Variants in ENPP1 observed in about 807,000 individuals in gnomAD.
ENPP1 encodes the protein ectonucleotide pyrophosphatase/phosphodiesterase 1.
Under a neutral mutation model 122.8 loss-of-function variants are expected in ENPP1, and 73 were observed. That is an observed-to-expected ratio of 0.59 (90% CI 0.49 to 0.72). ENPP1 has a LOEUF of 0.72. ENPP1 is among the 30% of genes least tolerant of loss of function. The pLI is 0.00. For missense variants in ENPP1, 978 were observed against 1,128.1 expected (o/e 0.87, Z 1.91); for synonymous variants, 367 against 391.6 (o/e 0.94, Z 0.74).
At chr6:131,808,896 A>G (rs1410938175) in intron 1 of ENPP1, among the ~76,000 whole-genome samples, 5 of 152,202 alleles carry the variant, frequency 3.3e-5, no homozygotes, top group Non-Finnish European at 7.3e-5. Flanking sequence ...TGTTGCTAAC[A>G]AAAGCTACCT....
intron 23 of ENPP1, among the ~76,000 whole-genome samples, chr6:131,885,403 A>G (rs1326639451): frequency 1.3e-5 from 2 of 152,086 alleles, no homozygotes; most frequent in Admixed American, 6.6e-5. Flanking sequence ...AAGATGAAGA[A>G]CTCTATGGTG....
At position 131,850,238 on chromosome 6, in the gene ENPP1, G is replaced by A. The variant is rs770610935; in HGVS notation, c.430+132G>A. On this transcript the variant is annotated intron_variant, in intron 3 of 24. Coordinates refer to ENST00000647893, the MANE Select transcript of ENPP1 (RefSeq NM_006208.3). ...TTAGTTTAGCATACATACACGTTTT[G>A]ACATTAGCTTTTATATTTTCTTTCA... is the stretch of plus-strand genomic sequence containing the variant. 8.5e-4 allele frequency: 607 copies of A among 710,904 alleles called. 1 individual carries two copies. The highest frequency in any genetic ancestry group is 5.8e-4 in the Non-Finnish European group (228 of 394,634). The allele number at this position is 710,904 out of a possible 1,614,324, so 44.0% of individuals were successfully genotyped here.
chr6:131,811,560 AG>A (rs1781354898), intron 1 of ENPP1, among the ~76,000 whole-genome samples: 1 of 152,180 alleles, frequency 6.6e-6, no homozygotes, highest in South Asian at 2.1e-4. Flanking sequence ...AAAAAGGAAG[AG>A]GCAGTTCCTA....
chr6:131,879,910 A>G lies in ENPP1; in HGVS notation c.1976A>G (p.Tyr659Cys), dbSNP rs143393727. 2.0e-5 allele frequency: 33 copies of G among 1,613,704 alleles called. No homozygotes were observed. Among genetic ancestry groups the G allele is most frequent in the African/African-American group, 4.0e-5 (3 of 74,914 alleles). ...ATTATTAAGCATGAAACTTTACCCT[A>G]TGGAAGACCTAGAGTTCTCCAGAAG... ...EKIIKHETLP[Y>C]GRPRVLQKEN... The change falls in exon 20 of 25, where the codon TAT becomes TGT. Residue 659 changes from tyrosine to cysteine, a missense_variant. Around this residue, in one of 3 missense-constraint regions of ENPP1, gnomAD observed 644 missense variants for 781.5 expected, o/e 0.82. Coordinates refer to ENST00000647893, the MANE Select transcript of ENPP1 (RefSeq NM_006208.3).
Position 131,850,029 on chromosome 6 carries a change from G to C in ENPP1, c.353G>C (p.Gly118Ala). Residue 118 changes from glycine (G) to alanine (A), a missense_variant, in exon 3 of 25, where the codon GGG becomes GCG. Gly to Ala is a moderately conservative substitution (Grantham distance 60, BLOSUM62 0). Transcript: ENST00000647893. ...CKGRCFERTF[G>A]NCRCDAACVE... ...GGTCGCTGTTTCGAGAGAACATTTG[G>C]GAACTGTCGCTGTGATGCTGCCTGT... is the stretch of plus-strand genomic sequence containing the variant. 1 of 1,614,048 alleles carries C rather than the reference G, an allele frequency of 6.2e-7. No individual in the cohort carries two copies. Among genetic ancestry groups the C allele is most frequent in the South Asian group, 1.1e-5 (1 of 91,080 alleles).
chr6:131,892,230 T>C lies in ENPP1; in HGVS notation c.*1719T>C, dbSNP rs1269891980. On this transcript the variant is annotated 3_prime_UTR_variant, in exon 25 of 25. Transcript: ENST00000647893. ...ATTGAAACCTGGATATTTTTAGGTA[T>C]TATGTTATGAGACTATGGGTCTTAT... 1 of 152,204 alleles carries C rather than the reference T, an allele frequency of 6.6e-6. No individual in the cohort carries two copies. The highest frequency in any genetic ancestry group is 2.4e-5 in the African/African-American group (1 of 41,466). 9.4% of individuals were successfully genotyped at this position (152,204 alleles called of 1,614,324 possible).
intron 22 of ENPP1, 39 bp downstream of exon 22, chr6:131,883,813 A>C: frequency 9.8e-7 from 1 of 1,020,674 alleles, no homozygotes; most frequent in East Asian, 2.4e-5. Flanking sequence ...ATTTTAATGA[A>C]TTTGTGCACA....
In ENPP1 at chr6:131,864,612, G is replaced by A. The variant is rs1022895577; in HGVS notation, c.1091+41G>A. The A allele has an allele frequency of 3.7e-6, 5 of 1,348,990 alleles. No individual in the cohort carries two copies. The African/African-American group carries it at 7.2e-5, about 19-fold the overall frequency. 83.6% of individuals were successfully genotyped at this position (1,348,990 alleles called of 1,614,324 possible). A position where few individuals can be genotyped will look rare whatever the true frequency, so the allele number is the denominator to read the frequency against. On this transcript the variant is annotated intron_variant, in intron 10 of 24. Transcript: ENST00000647893. ...ATTTCTATTGTAAATACTTCGTTTT[G>A]TAGAAATGATATACTATTTTAAAAT...
chr6:131,833,595 C>A (rs2114673390), intron 1 of ENPP1, among the ~76,000 whole-genome samples: 1 of 152,212 alleles, frequency 6.6e-6, no homozygotes, highest in African/African-American at 2.4e-5. Context: ...AAAATATTTG[C>A]TCATCTTTTC....
intron 1 of ENPP1, among the ~76,000 whole-genome samples, chr6:131,834,855 A>G (rs1781656569): frequency 6.6e-6 from 1 of 152,148 alleles, no homozygotes; most frequent in Admixed American, 6.5e-5. Flanking sequence ...CACCGCGCCC[A>G]GCTGAGGTAA....
intron 1 of ENPP1, among the ~76,000 whole-genome samples, chr6:131,815,630 A>G (rs1485788367): frequency 6.6e-6 from 1 of 151,814 alleles, no homozygotes; most frequent in African/African-American, 2.4e-5. Context: ...GAGAGACCTT[A>G]TGTGTTCTGT....
At chr6:131,867,195 C>T (rs1562179552) in intron 11 of ENPP1, among the ~76,000 whole-genome samples, 1 of 152,096 alleles carries the variant, frequency 6.6e-6, no homozygotes, top group South Asian at 2.1e-4. Flanking sequence ...GAATGAAAGA[C>T]GTTGTCTTGT....
chr6:131,849,965 C>A, intron 2 of ENPP1, 25 bp from the exon 3 acceptor site: 1 of 1,491,712 alleles, frequency 6.7e-7, no homozygotes, highest in Non-Finnish European at 9.4e-7. Context: ...TTAGAAACAT[C>A]TGACTTATCG....
At chr6:131,825,182 C>A (rs1177608134) in intron 1 of ENPP1, among the ~76,000 whole-genome samples, 2 of 152,080 alleles carry the variant, frequency 1.3e-5, no homozygotes, top group Non-Finnish European at 2.9e-5. Flanking sequence ...TTGGAAAAAT[C>A]ATTTTATAAT....
intron 1 of ENPP1, 76 bp downstream of exon 1, chr6:131,808,351 C>T (rs1218677771): frequency 2.9e-6 from 4 of 1,392,964 alleles, no homozygotes; most frequent in Non-Finnish European, 2.8e-6. Flanking sequence ...CCTGCGCTCT[C>T]AGCGCAGTCA....
intron 4 of ENPP1, 199 bp downstream of exon 4, chr6:131,851,466 C>T (rs1024317961): frequency 1.7e-6 from 1 of 586,590 alleles, no homozygotes; most frequent in Non-Finnish European, 3.0e-6. Flanking sequence ...GAACATTATA[C>T]CCATCACCCA....
intron 2 of ENPP1, among the ~76,000 whole-genome samples, 194 bp from the exon 3 acceptor site, chr6:131,849,796 A>G (rs1041510723): frequency 6.6e-6 from 1 of 152,242 alleles, no homozygotes; most frequent in African/African-American, 2.4e-5. Context: ...AACCAGGCAC[A>G]TAAGGTTACT....
intron 9 of ENPP1, 31 bp downstream of exon 9, chr6:131,861,735 T>C (rs943958027): frequency 1.7e-6 from 2 of 1,200,100 alleles, no homozygotes; most frequent in Non-Finnish European, 1.2e-6. Context: ...CTAGGATCTG[T>C]AATATAGAAC....
intron 24 of ENPP1, among the ~76,000 whole-genome samples, chr6:131,888,759 T>C (rs1413744635): frequency 6.6e-6 from 1 of 152,236 alleles, no homozygotes; most frequent in East Asian, 1.9e-4. Context: ...TTTGTGGGCA[T>C]TGTTGGAAAC....
Sources: allele counts gnomAD v4.1 joint callset (sites outside exome capture counted in the v4.1 genomes callset), GRCh38; gene constraint gnomAD v4.1.1; regional missense constraint gnomAD v4.1.1; transcripts MANE v1.5; gene names NCBI Gene and HGNC (gene_info 2026-07-23, HGNC 2026-07-21).